PELI2: variants seen among roughly 807,000 people sequenced by gnomAD.
PELI2 encodes the protein E3 ubiquitin-protein ligase pellino homolog 2.
A neutral mutation model predicts 42.3 loss-of-function variants in PELI2; 23 were observed. The ratio of observed to expected loss-of-function variants is 0.54; its 90% CI spans 0.39 to 0.77. The LOEUF (loss-of-function observed/expected upper bound fraction) is 0.77. Among genes scored for constraint, PELI2 ranks in the 30% least tolerant of loss-of-function variants. The pLI, the probability that PELI2 is intolerant of heterozygous loss-of-function variation, is 0.00. For missense variants in PELI2, 463 were observed against 553.2 expected (o/e 0.84, Z 1.64); for synonymous variants, 245 against 212.2 (o/e 1.15, Z -1.34).
At chr14:56,209,735 T>C (rs1886647824) in intron 2 of PELI2, among the ~76,000 whole-genome samples, 2 of 152,274 alleles carry the variant, frequency 1.3e-5, no homozygotes, top group Admixed American at 6.5e-5. Flanking sequence ...AACCAATGAT[T>C]TGAATATTTG....
intron 1 of PELI2, among the ~76,000 whole-genome samples, chr14:56,176,571 G>C (rs1234572190): frequency 1.3e-5 from 2 of 152,194 alleles, no homozygotes; most frequent in African/African-American, 4.8e-5. Context: ...ATATCCTGGA[G>C]AGCCTGCGTT....
chr14:56,196,888 G>C lies in PELI2; in HGVS notation c.207+18424G>C, dbSNP rs375068454. On this transcript the variant is annotated intron_variant, in intron 2 of 5. Transcript: ENST00000267460. ...GGTGTCTCATCTCATACTTGAGTTGGGTATAATCAAATCTGGAATTTTCTC... is the reference window on the plus strand; with the variant it reads ...GGTGTCTCATCTCATACTTGAGTTGCGTATAATCAAATCTGGAATTTTCTC... Among the ~76,000 whole-genome samples the C allele has an allele frequency of 1.3e-3, 195 of 151,946 alleles. 1 individual carries two copies. The highest frequency in any genetic ancestry group is 4.5e-3 in the African/African-American group (188 of 41,432).
intron 2 of PELI2, among the ~76,000 whole-genome samples, chr14:56,236,476 T>C (rs899620170): frequency 3.3e-5 from 5 of 152,244 alleles, no homozygotes; most frequent in South Asian, 2.1e-4. Context: ...GATGCATGCA[T>C]ATGCATGCCT....
At chr14:56,182,787 G>A (rs574598263) in intron 2 of PELI2, among the ~76,000 whole-genome samples, 10 of 152,228 alleles carry the variant, frequency 6.6e-5, no homozygotes, top group Admixed American at 3.3e-4. Flanking sequence ...AACAGTAACC[G>A]TGAGAAGTGG....
intron 2 of PELI2, among the ~76,000 whole-genome samples, chr14:56,226,534 T>G (rs1887361381): frequency 6.6e-6 from 1 of 152,226 alleles, no homozygotes; most frequent in African/African-American, 2.4e-5. Flanking sequence ...TTTAAATAAA[T>G]GTACAGGTAA....
intron 2 of PELI2, among the ~76,000 whole-genome samples, chr14:56,191,019 A>T (rs1411736827): frequency 1.3e-5 from 2 of 152,160 alleles, no homozygotes; most frequent in African/African-American, 2.4e-5. Context: ...TAAACTCTGG[A>T]TTTTATTCTG....
At chr14:56,279,828 T>C in intron 3 of PELI2, 51 bp downstream of exon 3, 1 of 920,236 alleles carries the variant, frequency 1.1e-6, no homozygotes, top group Non-Finnish European at 1.8e-6. Context: ...CCTTTAATTC[T>C]CTATTTTTTA....
At chr14:56,131,720 A>G (rs1045978227) in intron 1 of PELI2, among the ~76,000 whole-genome samples, 4 of 152,128 alleles carry the variant, frequency 2.6e-5, no homozygotes, top group Non-Finnish European at 4.4e-5. Context: ...AATCTTCATC[A>G]CCTTAGTAAT....
intron 1 of PELI2, among the ~76,000 whole-genome samples, chr14:56,144,258 A>G (rs1022833543): frequency 6.6e-5 from 10 of 152,210 alleles, no homozygotes; most frequent in Non-Finnish European, 1.2e-4. Flanking sequence ...AGAACTAGCA[A>G]GAGATATATT....
chr14:56,150,324 A>C (rs985482656), intron 1 of PELI2, among the ~76,000 whole-genome samples: 6 of 152,266 alleles, frequency 3.9e-5, no homozygotes, highest in Admixed American at 6.5e-5. Flanking sequence ...GACAGAGTTT[A>C]AGAATGAAGA....
intron 1 of PELI2, among the ~76,000 whole-genome samples, chr14:56,176,895 T>C (rs1885405068): frequency 6.6e-6 from 1 of 152,350 alleles, no homozygotes; most frequent in South Asian, 2.1e-4. Flanking sequence ...TCCTTTAATA[T>C]AGAGTGTTCA....
At chr14:56,137,803 C>T (rs542424996) in intron 1 of PELI2, among the ~76,000 whole-genome samples, 2 of 152,306 alleles carry the variant, frequency 1.3e-5, no homozygotes, top group South Asian at 4.1e-4. Flanking sequence ...TTGATCGTTG[C>T]AGAGAGTTCA....
rs1460517503 is a variant in PELI2 at position 56,299,848 on chromosome 14, C to G, written c.*2682C>G. 6.6e-6 allele frequency: 1 copy of G among 152,236 alleles called. No individual in the cohort carries two copies. Among genetic ancestry groups the G allele is most frequent in the Non-Finnish European group, 1.5e-5 (1 of 68,040 alleles). 9.4% of individuals were successfully genotyped at this position (152,236 alleles called of 1,614,324 possible). ...CAAGTAGCTTTCCAGAAGTAAAAGT[C>G]CCAGTGATGTATTCCCATAGAAATA... is the stretch of plus-strand genomic sequence containing the variant. On this transcript the variant is annotated 3_prime_UTR_variant, in exon 6 of 6. Coordinates refer to ENST00000267460, the MANE Select transcript of PELI2 (RefSeq NM_021255.3).
At position 56,133,457 on chromosome 14, in the gene PELI2, G is replaced by A. The variant is rs140721822; in HGVS notation, c.77+14720G>A. ...CTTTAGAAGATCTCTGAAAGACTCAGTATGTATGCACAGGGCATGGCTTCT... is the reference window on the plus strand; with the variant it reads ...CTTTAGAAGATCTCTGAAAGACTCAATATGTATGCACAGGGCATGGCTTCT... On this transcript the variant is annotated intron_variant, in intron 1 of 5. Coordinates refer to ENST00000267460, the MANE Select transcript of PELI2 (RefSeq NM_021255.3). Among the ~76,000 whole-genome samples the A allele has an allele frequency of 2.0e-3, 305 of 152,310 alleles. 2 individuals are homozygous for A. Among genetic ancestry groups the A allele is most frequent in the African/African-American group, 6.8e-3 (283 of 41,562 alleles).
Position 56,120,635 on chromosome 14 carries a change from GT to G in PELI2, c.77+1901del, listed in dbSNP as rs552851518. ...TGTGTACCTACTCTGTGCCTGTGCT[GT>G]TTAGGCATTGCTGATGCAGTGAGAA... On this transcript the variant is annotated intron_variant, in intron 1 of 5. Coordinates refer to ENST00000267460, the MANE Select transcript of PELI2 (RefSeq NM_021255.3). Among the ~76,000 whole-genome samples, 304 of 152,316 alleles carry G rather than the reference GT, an allele frequency of 2.0e-3. 2 individuals are homozygous for G. The highest frequency in any genetic ancestry group is 3.5e-3 in the Non-Finnish European group (237 of 68,032).
intron 1 of PELI2, among the ~76,000 whole-genome samples, chr14:56,124,556 G>C (rs1883181796): frequency 6.6e-6 from 1 of 152,102 alleles, no homozygotes; most frequent in Non-Finnish European, 1.5e-5. Flanking sequence ...ACTGATACAT[G>C]GTTCATTTAT....
intron 1 of PELI2, among the ~76,000 whole-genome samples, chr14:56,146,144 T>G (rs1884109694): frequency 6.6e-6 from 1 of 152,198 alleles, no homozygotes; most frequent in Admixed American, 6.5e-5. Flanking sequence ...GATGACTCAG[T>G]GTTCCTAGTT....
At position 56,229,171 on chromosome 14, in the gene PELI2, A is replaced by C. The variant is rs968887256; in HGVS notation, c.208-50505A>C. ...GTAGACTCCACCTGTGGGGGCAGGG[A>C]ATAGCTGAACAAAAGGCAGCAGAAG... On this transcript the variant is annotated intron_variant, in intron 2 of 5. Coordinates refer to ENST00000267460, the MANE Select transcript of PELI2 (RefSeq NM_021255.3). Among the ~76,000 whole-genome samples, 12 of 152,348 alleles carry C rather than the reference A, an allele frequency of 7.9e-5. 2 individuals carry two copies. The Middle Eastern group carries it at 0.027, about 345-fold the overall frequency.
At chr14:56,214,437 A>G (rs1886826390) in intron 2 of PELI2, among the ~76,000 whole-genome samples, 1 of 152,210 alleles carries the variant, frequency 6.6e-6, no homozygotes, top group South Asian at 2.1e-4. Flanking sequence ...ATATCTACAA[A>G]TGATAATGTG....
Sources: gnomAD v4.1 joint callset for allele counts (sites outside exome capture counted in the v4.1 genomes callset) on GRCh38, gnomAD v4.1.1 for gene constraint, MANE v1.5 for transcripts, NCBI Gene and HGNC (gene_info 2026-07-23, HGNC 2026-07-21) for gene names.